Variants in TMEM63A observed in about 807,000 individuals in gnomAD.
The protein encoded by TMEM63A is mechanosensitive cation channel TMEM63A.
Under a neutral mutation model 100.6 loss-of-function variants are expected in TMEM63A, and 76 were observed. The observed-to-expected ratio is 0.76, with a 90% CI of 0.63 to 0.91. The LOEUF is 0.91. TMEM63A is among the 40% of genes least tolerant of loss of function. The pLI is 0.00. For synonymous variants in TMEM63A, 401 were observed against 401.1 expected, an observed-to-expected ratio of 1.00 and a Z score of 0.00; for missense variants, 876 against 1,008.8, an observed-to-expected ratio of 0.87 and a Z score of 1.78.
At chr1:225,876,434 A>T (rs369175646) in intron 3 of TMEM63A, among the ~76,000 whole-genome samples, 9 of 152,108 alleles carry the variant, frequency 5.9e-5, no homozygotes, top group African/African-American at 1.9e-4. Context: ...TCTCTGCCAC[A>T]TGTTAGGAGA....
rs144560491 is a variant in TMEM63A at position 225,847,099 on chromosome 1, C to T, written c.2365G>A (p.Gly789Arg). The T allele has an allele frequency of 1.2e-5, 19 of 1,613,794 alleles. No individual in the cohort carries two copies. The highest frequency in any genetic ancestry group is 1.5e-5 in the Non-Finnish European group (18 of 1,180,040). The change falls in exon 24 of 25, where the codon GGA becomes AGA. Residue 789 changes from glycine to arginine, a missense_variant. Coordinates refer to ENST00000366835, the MANE Select transcript of TMEM63A (RefSeq NM_014698.3). ...AIHNISGTIPGQCLAQSATGS... is the reference protein window; with the variant it reads ...AIHNISGTIPRQCLAQSATGS... ...GTGGCGCTCTGCGCCAAGCACTGTCCAGGGATAGTCCCGCTGATGTTGTGG... is the reference window on the plus strand; with the variant it reads ...GTGGCGCTCTGCGCCAAGCACTGTCTAGGGATAGTCCCGCTGATGTTGTGG...
rs1340429120 is a variant in TMEM63A, at chr1:225,877,464, GCT to G, written c.115_116del (p.Ser39HisfsTer69). ...CAAAGGTGACCCCCTGGAGCACGGT[GCT>G]GTTTTTGGCCGAGTTGTAGCAATAG... ...DSYCYNSAKN[S>X]TVLQGVTFGG... On this transcript the variant is annotated frameshift_variant, in exon 3 of 25. Coordinates refer to ENST00000366835, the MANE Select transcript of TMEM63A (RefSeq NM_014698.3). LOFTEE classifies it high-confidence loss of function. The G allele has an allele frequency of 2.8e-5, 45 of 1,614,204 alleles. No individual in the cohort carries two copies. Among genetic ancestry groups the G allele is most frequent in the Non-Finnish European group, 3.7e-5 (44 of 1,180,044 alleles).
intron 3 of TMEM63A, among the ~76,000 whole-genome samples, chr1:225,875,786 G>A (rs775912159): frequency 2.7e-5 from 4 of 146,816 alleles, no homozygotes; most frequent in South Asian, 2.2e-4. Context: ...ACCCCTGGCC[G>A]GGCACCATGG....
chr1:225,862,361 G>C lies in TMEM63A; in HGVS notation c.952-10C>G, dbSNP rs772887715. 19 of 1,614,178 alleles carry C rather than the reference G, an allele frequency of 1.2e-5. No homozygotes were observed. In the South Asian group the frequency reaches 2.0e-4, roughly 17 times the overall value. The stretch of plus-strand genomic sequence containing the variant: ...AAGAGATGGCGTCTTCCTGCCACAA[G>C]ACACATCCCATTGGGATGACGTGGC... On this transcript the variant is annotated splice_polypyrimidine_tract_variant and intron_variant, in intron 12 of 24. Transcript: ENST00000366835. The surrounding 1 kb of genome is among the most constrained non-coding windows in gnomAD (Gnocchi z 5.1).
intron 20 of TMEM63A, among the ~76,000 whole-genome samples, chr1:225,852,361 C>T (rs1182102221): frequency 6.6e-6 from 1 of 152,188 alleles, no homozygotes; most frequent in East Asian, 1.9e-4. Flanking sequence ...TGGCGGGCAC[C>T]TGTAATCCCA....
At chr1:225,843,360 G>A (rs1340379497), downstream of TMEM63A, among the ~76,000 whole-genome samples, 1 of 152,192 alleles carries the variant, frequency 6.6e-6, no homozygotes, top group Non-Finnish European at 1.5e-5. Flanking sequence ...TGCTTGGAAA[G>A]GGTGGCTTGT....
intron 5 of TMEM63A, 22 bp downstream of exon 5, chr1:225,871,965 C>G (rs766104967): frequency 6.2e-7 from 1 of 1,600,954 alleles, no homozygotes; most frequent in South Asian, 1.1e-5. Flanking sequence ...GCCATGACCA[C>G]AACTGGGCCT....
chr1:225,873,033 GC>G (rs1256363446), intron 4 of TMEM63A, among the ~76,000 whole-genome samples: 2 of 151,988 alleles, frequency 1.3e-5, no homozygotes, highest in Admixed American at 6.6e-5. Flanking sequence ...TGGTTCTACT[GC>G]CCCCCTACTA....
At chr1:225,877,633 G>C (rs1670875355) in intron 2 of TMEM63A, 39 bp from the exon 3 acceptor site, 1 of 1,553,972 alleles carries the variant, frequency 6.4e-7, no homozygotes, top group Non-Finnish European at 8.7e-7. Flanking sequence ...GACGTTCAGG[G>C]CTCAAATTTC....
At chr1:225,876,063 CAAAAAAAAAAAAAAAAAAA>C (rs532420561) in intron 3 of TMEM63A, among the ~76,000 whole-genome samples, 17 of 32,920 alleles carry the variant, frequency 5.2e-4, no homozygotes, top group Admixed American at 1.8e-3. Context: ...GACCTTGTCT[CAAAAAAAAAAAAAAAAAAA>C]AAAAAAAAAA....
At chr1:225,856,612 C>G in intron 17 of TMEM63A, 40 bp downstream of exon 17, 1 of 1,603,488 alleles carries the variant, frequency 6.2e-7, no homozygotes, top group South Asian at 1.1e-5. Flanking sequence ...CCTGATGTGA[C>G]TCTTATTCTG....
At chr1:225,857,371 C>T (rs189451631) in intron 15 of TMEM63A, among the ~76,000 whole-genome samples, 6,044 of 39,064 alleles carry the variant, frequency 0.15, 262 homozygotes, top group East Asian at 0.39. Context: ...GCCTGGAGTC[C>T]TGGCCGGCGG....
At chr1:225,850,720 C>T (rs1436237069) in intron 20 of TMEM63A, among the ~76,000 whole-genome samples, 1 of 152,126 alleles carries the variant, frequency 6.6e-6, no homozygotes, top group Non-Finnish European at 1.5e-5. Flanking sequence ...GTATGTCTGT[C>T]TGTCTGTTTT....
intron 18 of TMEM63A, 76 bp downstream of exon 18, chr1:225,855,802 A>C (rs1576077905): frequency 4.2e-6 from 6 of 1,432,144 alleles, no homozygotes; most frequent in Non-Finnish European, 5.8e-6. Flanking sequence ...GCCCCCACCC[A>C]TCCCACTGCA....
rs763229707 is a variant in TMEM63A, at chr1:225,847,085, C to T, written c.2379G>A (p.Ala793=). 31 of 1,613,512 alleles carry T rather than the reference C, an allele frequency of 1.9e-5. No homozygotes were observed. The highest frequency in any genetic ancestry group is 1.7e-4 in the Middle Eastern group (1 of 6,054). Residue 793 remains alanine (A), a synonymous_variant, in exon 24 of 25, where the codon GCG becomes GCA. Coordinates refer to ENST00000366835, the MANE Select transcript of TMEM63A (RefSeq NM_014698.3). The part of the protein sequence containing the change: ...ISGTIPGQCL[A]QSATGSVAAA... The stretch of plus-strand genomic sequence containing the variant: ...CAGCCACACTGCCCGTGGCGCTCTG[C>T]GCCAAGCACTGTCCAGGGATAGTCC...
chr1:225,847,772 CCTT>C (rs1190434116), intron 23 of TMEM63A, among the ~76,000 whole-genome samples: 2 of 152,170 alleles, frequency 1.3e-5, no homozygotes, highest in Middle Eastern at 3.2e-3. Flanking sequence ...GGTAATGAGT[CCTT>C]CTGAGGCCCT....
Position 225,879,373 on chromosome 1 carries a change from T to G in TMEM63A, c.-168A>C, listed in dbSNP as rs1292963194. ...ACACTCATGTCCTGCAGGGCTTTCC[T>G]GACCAGCGAGTCCTGGGGTACCAAA... On this transcript the variant is annotated 5_prime_UTR_variant, in exon 2 of 25. Coordinates refer to ENST00000366835, the MANE Select transcript of TMEM63A (RefSeq NM_014698.3). The G allele has an allele frequency of 6.6e-6, 1 of 152,322 alleles. No homozygotes were observed. Among genetic ancestry groups the G allele is most frequent in the African/African-American group, 2.4e-5 (1 of 41,452 alleles). The allele number at this position is 152,322 out of a possible 1,614,324, so 9.4% of individuals were successfully genotyped here. A position where few individuals can be genotyped will look rare whatever the true frequency, so the allele number is the denominator to read the frequency against.
chr1:225,853,261 T>C lies in TMEM63A; in HGVS notation c.1797+368A>G, dbSNP rs1452696218. Among the ~76,000 whole-genome samples the C allele has an allele frequency of 6.6e-6, 1 of 152,206 alleles. No individual in the cohort carries two copies. Among genetic ancestry groups the C allele is most frequent in the Non-Finnish European group, 1.5e-5 (1 of 68,034 alleles). ...CCACACCCTCCAGTTCAGGGAATCC[T>C]GGAATAAATGCCACAAGCCGAAAAT... On this transcript the variant is annotated intron_variant, in intron 19 of 24. Coordinates refer to ENST00000366835, the MANE Select transcript of TMEM63A (RefSeq NM_014698.3). The surrounding 1 kb of genome is among the most constrained non-coding windows in gnomAD (Gnocchi z 4.0).
intron 14 of TMEM63A, 31 bp from the exon 15 acceptor site, chr1:225,859,380 G>A: frequency 6.2e-7 from 1 of 1,611,818 alleles, no homozygotes; most frequent in East Asian, 2.2e-5. Context: ...CAGGTCTCGA[G>A]GCTTGTCTCC....
Sources: allele counts gnomAD v4.1 joint callset (sites outside exome capture counted in the v4.1 genomes callset), GRCh38; gene constraint gnomAD v4.1.1; non-coding constraint Gnocchi (gnomAD v3.1); transcripts MANE v1.5; gene names NCBI Gene and HGNC (gene_info 2026-07-23, HGNC 2026-07-21).